Variants in PHAF1 observed in about 807,000 individuals in gnomAD.
PHAF1 encodes phagophore assembly factor 1.
A neutral mutation model predicts 63.1 loss-of-function variants in PHAF1; 23 were observed. The observed-to-expected ratio is 0.36, with a 90% confidence interval of 0.26 to 0.52. PHAF1 has a LOEUF of 0.52. PHAF1 is among the 20% of genes least tolerant of loss of function. The pLI, the probability that PHAF1 is intolerant of heterozygous loss-of-function variation, is 0.93. For missense variants in PHAF1, 427 were observed against 517.2 expected, an observed-to-expected ratio of 0.83 and a Z score of 1.69; for synonymous variants, 167 against 185.0, an observed-to-expected ratio of 0.90 and a Z score of 0.79.
chr16:67,121,525 A>C (rs1252042132), intron 2 of PHAF1, among the ~76,000 whole-genome samples: 1 of 150,114 alleles, frequency 6.7e-6, no homozygotes, highest in African/African-American at 2.5e-5. Flanking sequence ...GGTTTCTTAA[A>C]CCACCATGGA....
chr16:67,123,389 C>T (rs901467279), intron 2 of PHAF1, among the ~76,000 whole-genome samples: 1 of 151,734 alleles, frequency 6.6e-6, no homozygotes, highest in South Asian at 2.1e-4. Context: ...CCAGCCTGGC[C>T]AACATGGTGA....
intron 9 of PHAF1, 130 bp from the exon 10 acceptor site, chr16:67,140,381 G>T: frequency 1.1e-6 from 1 of 898,544 alleles, no homozygotes. Context: ...AGCACCAGCA[G>T]CTGAGACTCC....
At chr16:67,133,629 AT>A (rs1321860891) in intron 6 of PHAF1, among the ~76,000 whole-genome samples, 1 of 151,926 alleles carries the variant, frequency 6.6e-6, no homozygotes, top group African/African-American at 2.4e-5. Context: ...AATACAAAAA[AT>A]TTAGCTGGGT....
chr16:67,143,236 C>T (rs1271964723), intron 10 of PHAF1, among the ~76,000 whole-genome samples: 1 of 152,176 alleles, frequency 6.6e-6, no homozygotes, highest in Non-Finnish European at 1.5e-5. Flanking sequence ...GCCTTCAGCC[C>T]CTCAAGAACC....
intron 8 of PHAF1, chr16:67,134,858 G>T (rs1567649733): frequency 2.7e-6 from 1 of 373,654 alleles, no homozygotes; most frequent in South Asian, 2.0e-5. Context: ...CACCTTGGTG[G>T]TTAGGATTTC....
rs572886957 is a variant in PHAF1, at chr16:67,116,893, C to G, written c.65-3219C>G. 1.1e-4 allele frequency among the ~76,000 whole-genome samples: 17 copies of G among 152,212 alleles called. 1 individual carries two copies. In the South Asian group the frequency reaches 3.5e-3, roughly 32 times the overall value. Reference sequence around the variant, plus strand: ...CAGTCACTGGGTGGTTAGCTCTGAGCAGGGTACAAGGGATCCAGAGAGTGG... The same window carrying G: ...CAGTCACTGGGTGGTTAGCTCTGAGGAGGGTACAAGGGATCCAGAGAGTGG... On this transcript the variant is annotated intron_variant, in intron 1 of 15. Coordinates refer to ENST00000219139, the MANE Select transcript of PHAF1 (RefSeq NM_025187.5).
At position 67,129,160 on chromosome 16, in the gene PHAF1, A is replaced by G. The variant is rs377631914; in HGVS notation, c.232-2126A>G. 1.4e-4 allele frequency among the ~76,000 whole-genome samples: 21 copies of G among 152,330 alleles called. 1 individual carries two copies. The highest frequency in any genetic ancestry group is 9.7e-4 in the East Asian group (5 of 5,178). Reference sequence around the variant, plus strand: ...CATGCCCAGATATTCTGAAGGGGACACTGGCTATCTTCTGAATCATAGCTG... The same window carrying G: ...CATGCCCAGATATTCTGAAGGGGACGCTGGCTATCTTCTGAATCATAGCTG... On this transcript the variant is annotated intron_variant, in intron 3 of 15. Coordinates refer to ENST00000219139, the MANE Select transcript of PHAF1 (RefSeq NM_025187.5).
At chr16:67,131,878 T>G (rs1963416221) in intron 4 of PHAF1, 1 of 152,502 alleles carries the variant, frequency 6.6e-6, no homozygotes, top group African/African-American at 2.4e-5. Flanking sequence ...CTTTCTTTCT[T>G]TCTTTTTTTT....
chr16:67,121,782 G>T (rs968229343), intron 2 of PHAF1, among the ~76,000 whole-genome samples: 8 of 151,922 alleles, frequency 5.3e-5, no homozygotes, highest in Admixed American at 4.6e-4. Flanking sequence ...GTTTCTCCGT[G>T]TTGGTCAGGC....
chr16:67,121,374 T>A (rs1021251265), intron 2 of PHAF1, among the ~76,000 whole-genome samples: 4 of 146,308 alleles, frequency 2.7e-5, no homozygotes, highest in African/African-American at 7.6e-5. Context: ...TTTTTTTTTT[T>A]TGTATTTTTA....
At chr16:67,117,809 C>CTT (rs76207983) in intron 1 of PHAF1, among the ~76,000 whole-genome samples, 37 of 137,828 alleles carry the variant, frequency 2.7e-4, no homozygotes, top group Non-Finnish European at 5.5e-4. Flanking sequence ...CGCCCTGTTG[C>CTT]TTTTTTTTTT....
chr16:67,130,871 C>T (rs1428309940), intron 3 of PHAF1, among the ~76,000 whole-genome samples: 1 of 152,128 alleles, frequency 6.6e-6, no homozygotes, highest in Non-Finnish European at 1.5e-5. Context: ...GTTGAGCAGT[C>T]CACTAGGAGA....
At position 67,145,641 on chromosome 16, in the gene PHAF1, T is replaced by A. The variant is rs1355485306; in HGVS notation, c.1109+13T>A. Reference sequence around the variant, plus strand: ...TTGTCCTGCACAGGTGAGTGGGAGTTTGATGTCCCCGGCCACCCCACCTGA... The same window carrying A: ...TTGTCCTGCACAGGTGAGTGGGAGTATGATGTCCCCGGCCACCCCACCTGA... On this transcript the variant is annotated intron_variant, in intron 14 of 15. Transcript: ENST00000219139. The A allele has an allele frequency of 1.2e-6, 2 of 1,608,536 alleles. No homozygotes were observed. Among genetic ancestry groups the A allele is most frequent in the East Asian group, 2.2e-5 (1 of 44,818 alleles).
chr16:67,140,872 A>T (rs1455361359), intron 10 of PHAF1, among the ~76,000 whole-genome samples: 2 of 152,220 alleles, frequency 1.3e-5, no homozygotes, highest in African/African-American at 2.4e-5. Flanking sequence ...GAAATCATTC[A>T]GATTAAGCTG....
At chr16:67,121,086 A>G (rs1962948896) in intron 2 of PHAF1, among the ~76,000 whole-genome samples, 1 of 152,182 alleles carries the variant, frequency 6.6e-6, no homozygotes, top group Non-Finnish European at 1.5e-5. Flanking sequence ...ATCTCCAAGC[A>G]AGTGCTTGAG....
chr16:67,140,419 G>A (rs538728872), intron 9 of PHAF1, 92 bp from the exon 10 acceptor site: 82 of 1,156,844 alleles, frequency 7.1e-5, no homozygotes, highest in Admixed American at 4.4e-4. Context: ...GCAGCTTAAT[G>A]TTACACATGG....
At chr16:67,126,417 T>C (rs1963190588) in intron 3 of PHAF1, among the ~76,000 whole-genome samples, 1 of 152,192 alleles carries the variant, frequency 6.6e-6, no homozygotes, top group Non-Finnish European at 1.5e-5. Flanking sequence ...TGGAAACTGT[T>C]CTTCCTAGAA....
At chr16:67,122,860 C>G (rs913876622) in intron 2 of PHAF1, among the ~76,000 whole-genome samples, 1 of 152,222 alleles carries the variant, frequency 6.6e-6, no homozygotes, top group South Asian at 2.1e-4. Context: ...TCCCAAGTAC[C>G]TGCGATTACA....
chr16:67,143,115 C>T (rs1292620514), intron 10 of PHAF1, among the ~76,000 whole-genome samples: 1 of 152,140 alleles, frequency 6.6e-6, no homozygotes, highest in African/African-American at 2.4e-5. Flanking sequence ...GGTCCAAGTC[C>T]TAGAGAGAGG....
Sources: gnomAD v4.1 joint callset for allele counts (sites outside exome capture counted in the v4.1 genomes callset) on GRCh38, gnomAD v4.1.1 for gene constraint, MANE v1.5 for transcripts, NCBI Gene and HGNC (gene_info 2026-07-23, HGNC 2026-07-21) for gene names.